The following SPATA25 variants were observed in gnomAD, a reference collection of about 807,000 sequenced individuals.
The protein encoded by SPATA25 is spermatogenesis-associated protein 25.
In SPATA25, 16 loss-of-function variants were observed where a neutral mutation model predicts 16.0. That is an observed-to-expected ratio of 1.00 (90% CI 0.68 to 1.52). The LOEUF is 1.52. SPATA25 is among the 40% of genes most tolerant of loss of function. The probability of loss-of-function intolerance (pLI) is 0.00; values close to 1 mark genes in which losing one functional copy is unlikely to be tolerated. For missense variants in SPATA25, 285 were observed against 289.2 expected (o/e 0.99, Z 0.11); for synonymous variants, 115 against 118.5 (o/e 0.97, Z 0.19).
upstream of SPATA25, chr20:45,888,497 T>C (rs2145805968): frequency 2.2e-6 from 1 of 445,884 alleles, no homozygotes. Context: ...ACACCAGCAC[T>C]CTTTACATAT....
chr20:45,890,263 C>T (rs775660814), upstream of SPATA25: 2 of 1,613,834 alleles, frequency 1.2e-6, no homozygotes, highest in Non-Finnish European at 1.7e-6. Flanking sequence ...CATACTCGAG[C>T]TGGACAAGGC....
chr20:45,887,235 C>T (rs1327597016), intron 1 of SPATA25, 90 bp from the exon 2 acceptor site: 12 of 1,459,866 alleles, frequency 8.2e-6, no homozygotes, highest in South Asian at 5.4e-5. Flanking sequence ...AGCTTGGGGG[C>T]GTAACTAAGA....
chr20:45,887,466 C>G, intron 1 of SPATA25, 70 bp downstream of exon 1: 1 of 1,514,700 alleles, frequency 6.6e-7, no homozygotes, highest in Non-Finnish European at 9.1e-7. Context: ...CGCCACCTCC[C>G]CAGAGCCAGA....
chr20:45,890,421 C>T (rs1034237882), upstream of SPATA25: 7 of 1,611,346 alleles, frequency 4.3e-6, no homozygotes, highest in Non-Finnish European at 5.9e-6. Context: ...AAGAGGACAC[C>T]CAGGCGGCTA....
chr20:45,887,436 C>G, intron 1 of SPATA25, 100 bp downstream of exon 1: 1 of 1,164,162 alleles, frequency 8.6e-7, no homozygotes, highest in Middle Eastern at 2.4e-4. Context: ...TAGGGCCAGC[C>G]CCCAAATGCC....
chr20:45,890,303 A>T (rs767364546), upstream of SPATA25: 30 of 1,613,374 alleles, frequency 1.9e-5, no homozygotes, highest in African/African-American at 3.5e-4. Context: ...AAACACGTCC[A>T]CCACCGCGTA....
chr20:45,890,746 A>G (rs887729119), upstream of SPATA25: 3 of 1,613,176 alleles, frequency 1.9e-6, no homozygotes, highest in Non-Finnish European at 2.5e-6. Flanking sequence ...TCAGACCGAG[A>G]CGCAGATGTC....
rs138752668 is a variant in SPATA25 at position 45,886,793 on chromosome 20, C to T, written c.408G>A (p.Pro136=). Residue 136 remains proline (P), a synonymous_variant, in exon 2 of 2, where the codon CCG becomes CCA. Transcript: ENST00000372519. ...MLCGLSPRVL[P]VPSEAVGKEA... ...CCTTCCCCACTGCCTCAGAGGGTAC[C>T]GGTAGAACCCGTGGTGACAGCCCAC... is the stretch of plus-strand genomic sequence containing the variant. 1.5e-5 allele frequency: 24 copies of T among 1,613,924 alleles called. No homozygotes were observed. The African/African-American group carries it at 2.3e-4, about 15-fold the overall frequency.
upstream of SPATA25, chr20:45,890,192 C>G (rs1462435804): frequency 6.2e-7 from 1 of 1,601,864 alleles, no homozygotes; most frequent in African/African-American, 1.3e-5. Context: ...CTACGGAGCC[C>G]TAGTAGATTC....
upstream of SPATA25, chr20:45,888,851 GCA>G: frequency 1.9e-6 from 3 of 1,613,956 alleles, no homozygotes; most frequent in East Asian, 2.2e-5. Context: ...TCACTAGGCG[GCA>G]CAGAGTCTGC....
chr20:45,887,294 T>C lies in SPATA25; in HGVS notation c.56-149A>G. 3 of 997,492 alleles carry C rather than the reference T, an allele frequency of 3.0e-6. No homozygotes were observed. The South Asian group carries it at 5.0e-5, about 17-fold the overall frequency. The allele number at this position is 997,492 out of a possible 1,614,324, so 61.8% of individuals were successfully genotyped here. On this transcript the variant is annotated intron_variant, in intron 1 of 1. Coordinates refer to ENST00000372519, the MANE Select transcript of SPATA25 (RefSeq NM_080608.4). ...GGTTGGGAACTAGGTGTTACTCATA[T>C]CCACACTCCCAGTCCCCAACACGGA...
upstream of SPATA25, chr20:45,888,490 C>T: frequency 2.4e-6 from 1 of 425,316 alleles, no homozygotes; most frequent in Non-Finnish European, 4.3e-6. Context: ...ATGTGGGACA[C>T]CAGCACTCTT....
upstream of SPATA25, chr20:45,890,310 C>T: frequency 3.1e-6 from 5 of 1,613,400 alleles, no homozygotes; most frequent in Non-Finnish European, 4.2e-6. Context: ...TCCACCACCG[C>T]GTAGAGGGGC....
At position 45,886,589 on chromosome 20, in the gene SPATA25, A is replaced by C; in HGVS notation, c.612T>G (p.His204Gln). Residue 204 changes from histidine to glutamine, a missense_variant, in exon 2 of 2, where the codon CAT becomes CAG. Coordinates refer to ENST00000372519, the MANE Select transcript of SPATA25 (RefSeq NM_080608.4). ...GCATCTTCCCAGAGGCTGTGTGGGC[A>C]TGTGCCTGCTCCCACCGCGCCCCCT... ...AVEGARWEQA[H>Q]AHTASGKMPL... 6.2e-7 allele frequency: 1 copy of C among 1,612,894 alleles called. No homozygotes were observed. The highest frequency in any genetic ancestry group is 8.5e-7 in the Non-Finnish European group (1 of 1,179,448).
upstream of SPATA25, chr20:45,890,187 G>C: frequency 6.3e-7 from 1 of 1,585,466 alleles, no homozygotes; most frequent in Middle Eastern, 1.7e-4. Flanking sequence ...ATGGGCTACG[G>C]AGCCCTAGTA....
At chr20:45,887,192 G>A (rs1986516547) in intron 1 of SPATA25, 47 bp from the exon 2 acceptor site, 2 of 1,537,166 alleles carry the variant, frequency 1.3e-6, no homozygotes, top group South Asian at 1.2e-5. Context: ...GTTCTTTGAG[G>A]AGGGGGCCCT....
chr20:45,886,846 G>T lies in SPATA25; in HGVS notation c.355C>A (p.Pro119Thr). Residue 119 changes from proline to threonine, a missense_variant, in exon 2 of 2, where the codon CCC becomes ACC. By Grantham distance (38) the Pro-to-Thr change is conservative. Coordinates refer to ENST00000372519, the MANE Select transcript of SPATA25 (RefSeq NM_080608.4). ...AGCATCAGGGGCCTAGGCCTGCTGG[G>T]GCCACCCAGGTCAGGGGCTCTGCTT... ...SRSRAPDLGG[P>T]SRPRPLMLCG... is the part of the protein sequence containing the mutation. The T allele has an allele frequency of 6.2e-7, 1 of 1,613,926 alleles. No homozygotes were observed. Among genetic ancestry groups the T allele is most frequent in the Non-Finnish European group, 8.5e-7 (1 of 1,180,038 alleles).
upstream of SPATA25, chr20:45,890,027 G>T (rs754421291): frequency 1.5e-5 from 9 of 589,054 alleles, no homozygotes; most frequent in Non-Finnish European, 2.7e-5. Context: ...AACTAAAAGG[G>T]AACTTGTAGG....
At chr20:45,888,327 A>G (rs996439929), upstream of SPATA25, among the ~76,000 whole-genome samples, 1 of 152,152 alleles carries the variant, frequency 6.6e-6, no homozygotes, top group Non-Finnish European at 1.5e-5. Context: ...AAATTCCTCA[A>G]GTGATTATAA....
Sources: allele counts gnomAD v4.1 joint callset (sites outside exome capture counted in the v4.1 genomes callset), GRCh38; gene constraint gnomAD v4.1.1; transcripts MANE v1.5; gene names NCBI Gene and HGNC (gene_info 2026-07-23, HGNC 2026-07-21).